The following KCNQ3 variants were observed in gnomAD, a reference collection of about 807,000 sequenced individuals.
The protein encoded by KCNQ3 is potassium voltage-gated channel subfamily KQT member 3.
KCNQ3 carries 30 observed loss-of-function variants against 92.5 expected under a neutral mutation model. That is an observed-to-expected ratio of 0.32 (90% CI 0.24 to 0.44). The LOEUF (loss-of-function observed/expected upper bound fraction) is 0.44, where lower values mean the gene tolerates loss of function less well. Among genes scored for constraint, KCNQ3 ranks in the 20% least tolerant of loss-of-function variants. The pLI, the probability that KCNQ3 is intolerant of heterozygous loss-of-function variation, is 1.00. For synonymous variants in KCNQ3, 450 were observed against 468.8 expected (o/e 0.96, Z 0.52); for missense variants, 913 against 1,140.3 (o/e 0.80, Z 2.87).
intron 1 of KCNQ3, among the ~76,000 whole-genome samples, chr8:132,462,941 C>T (rs1259772462): frequency 6.6e-6 from 1 of 151,862 alleles, no homozygotes; most frequent in African/African-American, 2.4e-5. Context: ...TCTTTTTCTA[C>T]ACACACACAC....
At chr8:132,157,045 C>T (rs1014728865) in intron 9 of KCNQ3, among the ~76,000 whole-genome samples, 13 of 152,220 alleles carry the variant, frequency 8.5e-5, no homozygotes, top group Admixed American at 7.9e-4. Context: ...GGGCAGGCAA[C>T]ATTTTGATTC....
intron 1 of KCNQ3, among the ~76,000 whole-genome samples, chr8:132,235,308 G>A (rs1176568870): frequency 6.6e-6 from 1 of 152,134 alleles, no homozygotes; most frequent in Non-Finnish European, 1.5e-5. Flanking sequence ...TTCGAGACCA[G>A]CCTGACCAAC....
At chr8:132,325,139 C>T (rs1194870708) in intron 1 of KCNQ3, among the ~76,000 whole-genome samples, 3 of 151,996 alleles carry the variant, frequency 2.0e-5, no homozygotes, top group Non-Finnish European at 2.9e-5. Flanking sequence ...CTGGCTTTCT[C>T]GAGCCTTGTC....
intron 1 of KCNQ3, among the ~76,000 whole-genome samples, chr8:132,212,363 C>T (rs369198269): frequency 7.5e-4 from 114 of 152,184 alleles, no homozygotes; most frequent in African/African-American, 2.6e-3. Context: ...CTCAACTGTC[C>T]TTTTCTCTCC....
At chr8:132,160,096 A>G (rs548689378) in intron 9 of KCNQ3, among the ~76,000 whole-genome samples, 8 of 152,318 alleles carry the variant, frequency 5.3e-5, no homozygotes, top group Non-Finnish European at 1.2e-4. Context: ...GAGGGTCAGG[A>G]AAAATCTCTC....
intron 1 of KCNQ3, among the ~76,000 whole-genome samples, chr8:132,369,757 G>A (rs1563882424): frequency 6.6e-6 from 1 of 152,250 alleles, no homozygotes; most frequent in East Asian, 1.9e-4. Flanking sequence ...TCTGATCCTG[G>A]AAACAAGTTC....
At chr8:132,134,196 C>T in intron 13 of KCNQ3, 94 bp downstream of exon 13, 2 of 893,178 alleles carry the variant, frequency 2.2e-6, no homozygotes, top group South Asian at 2.6e-5. Flanking sequence ...GTGACAACTT[C>T]ACCCACATAA....
chr8:132,339,922 A>G (rs1818472788), intron 1 of KCNQ3, among the ~76,000 whole-genome samples: 1 of 152,028 alleles, frequency 6.6e-6, no homozygotes, highest in African/African-American at 2.4e-5. Flanking sequence ...CCTTCTCTGT[A>G]AAGAAATTTA....
intron 9 of KCNQ3, among the ~76,000 whole-genome samples, chr8:132,149,115 G>C (rs1376994014): frequency 6.6e-6 from 1 of 152,236 alleles, no homozygotes; most frequent in Non-Finnish European, 1.5e-5. Flanking sequence ...CTTGGGACAT[G>C]GTTGTGCTTC....
At chr8:132,316,134 C>T (rs1471297903) in intron 1 of KCNQ3, among the ~76,000 whole-genome samples, 3 of 152,066 alleles carry the variant, frequency 2.0e-5, no homozygotes, top group Non-Finnish European at 4.4e-5. Flanking sequence ...TAAAAGACTA[C>T]ATTTGTCCCC....
chr8:132,442,348 T>C (rs1191415682), intron 1 of KCNQ3, among the ~76,000 whole-genome samples: 1 of 152,162 alleles, frequency 6.6e-6, no homozygotes, highest in Non-Finnish European at 1.5e-5. Flanking sequence ...ATTAGGCACC[T>C]CTCCTCTGGA....
At chr8:132,400,704 G>T (rs1586987461) in intron 1 of KCNQ3, among the ~76,000 whole-genome samples, 1 of 152,254 alleles carries the variant, frequency 6.6e-6, no homozygotes, top group African/African-American at 2.4e-5. Flanking sequence ...ATCCCAGTGG[G>T]GAGGGAATAG....
intron 1 of KCNQ3, among the ~76,000 whole-genome samples, chr8:132,408,592 T>C (rs769175131): frequency 7.2e-5 from 11 of 152,240 alleles, no homozygotes; most frequent in Non-Finnish European, 1.0e-4. Flanking sequence ...TTCCAGCAAC[T>C]ATTTTTACCT....
At chr8:132,401,487 T>C (rs562623145) in intron 1 of KCNQ3, among the ~76,000 whole-genome samples, 1 of 152,252 alleles carries the variant, frequency 6.6e-6, no homozygotes, top group East Asian at 1.9e-4. Context: ...GCAATTCTCC[T>C]GCCTCAGACC....
chr8:132,263,824 G>A (rs530868995), intron 1 of KCNQ3, among the ~76,000 whole-genome samples: 2 of 152,176 alleles, frequency 1.3e-5, no homozygotes, highest in African/African-American at 2.4e-5. Context: ...TTGATCCTTC[G>A]CTCTGTCTCA....
intron 1 of KCNQ3, among the ~76,000 whole-genome samples, chr8:132,319,833 C>T (rs1817849513): frequency 1.3e-5 from 2 of 152,116 alleles, no homozygotes; most frequent in Non-Finnish European, 2.9e-5. Context: ...GGGCCTGAAG[C>T]CTATTCAGGA....
At chr8:132,457,093 AGG>A (rs34398409) in intron 1 of KCNQ3, among the ~76,000 whole-genome samples, 47,732 of 152,034 alleles carry the variant, frequency 0.31, 7,795 homozygotes, top group African/African-American at 0.4. Context: ...AGATCACAGA[AGG>A]GAGTGGTCCT....
intron 1 of KCNQ3, among the ~76,000 whole-genome samples, chr8:132,261,825 G>A (rs148930742): frequency 9.2e-5 from 14 of 152,272 alleles, no homozygotes; most frequent in Admixed American, 2.0e-4. Context: ...AAATTATTGC[G>A]TGTAGTAACA....
chr8:132,379,887 CTT>C (rs199901844), intron 1 of KCNQ3, among the ~76,000 whole-genome samples: 187 of 133,214 alleles, frequency 1.4e-3, no homozygotes, highest in African/African-American at 4.1e-3. Flanking sequence ...ATCTTGGCAT[CTT>C]TTTTTTTTTT....
Sources: allele counts gnomAD v4.1 joint callset (sites outside exome capture counted in the v4.1 genomes callset), GRCh38; gene constraint gnomAD v4.1.1; transcripts MANE v1.5; gene names NCBI Gene and HGNC (gene_info 2026-07-23, HGNC 2026-07-21).